ZNF410: variants seen among roughly 807,000 people sequenced by gnomAD.
The protein encoded by ZNF410 is another partner for ARF 1.
In ZNF410, 18 loss-of-function variants were observed where a neutral mutation model predicts 54.8. The observed-to-expected ratio is 0.33, with a 90% CI of 0.23 to 0.49. The LOEUF (loss-of-function observed/expected upper bound fraction) is 0.49, where lower values mean the gene tolerates loss of function less well. Ranked by LOEUF, ZNF410 falls within the 20% of genes least tolerant of loss-of-function variation. The pLI, the probability that ZNF410 is intolerant of heterozygous loss-of-function variation, is 0.99. For synonymous variants in ZNF410, 191 were observed against 207.3 expected (o/e 0.92, Z 0.68); for missense variants, 405 against 569.6 (o/e 0.71, Z 2.94).
intron 8 of ZNF410, chr14:73,916,376 G>A (rs1202728974): frequency 1.3e-5 from 2 of 152,074 alleles, no homozygotes. Context: ...GTAGAGATGG[G>A]GTTTTGCCTT....
Position 73,898,145 on chromosome 14 carries a change from A to T in ZNF410, c.463A>T (p.Ser155Cys), listed in dbSNP as rs776218025. 6.2e-7 allele frequency: 1 copy of T among 1,614,180 alleles called. No homozygotes were observed. Among genetic ancestry groups the T allele is most frequent in the African/African-American group, 1.3e-5 (1 of 75,044 alleles). Residue 155 changes from serine (S) to cysteine (C), a missense_variant, in exon 5 of 12, where the codon AGT becomes TGT. Transcript: ENST00000555044. ...AGATTCAGGGAATGATTTCCTCTCC[A>T]GTGAGAGCACAGACAGTAGCATTCC... The part of the protein sequence containing the change: ...AEDSGNDFLS[S>C]ESTDSSIPWF...
At chr14:73,897,996 A>C (rs969201320) in intron 4 of ZNF410, 75 bp from the exon 5 acceptor site, 66 of 1,194,528 alleles carry the variant, frequency 5.5e-5, no homozygotes, top group Admixed American at 1.4e-4. Flanking sequence ...AAAAAGGGAC[A>C]TGGAGAGTCT....
Position 73,932,400 on chromosome 14 carries a change from A to C in ZNF410, c.*859A>C, listed in dbSNP as rs1416752191. On this transcript the variant is annotated 3_prime_UTR_variant, in exon 12 of 12. Coordinates refer to ENST00000555044, the MANE Select transcript of ZNF410 (RefSeq NM_021188.3). ...CCATACCAGTAAAACTGAACCGAGG[A>C]GTCTTAGGAAACAACAAGAACATCT... 6.8e-6 allele frequency: 3 copies of C among 443,920 alleles called. No individual in the cohort carries two copies. Among genetic ancestry groups the C allele is most frequent in the Non-Finnish European group, 1.3e-5 (3 of 224,006 alleles). The allele number at this position is 443,920 out of a possible 1,614,324, so 27.5% of individuals were successfully genotyped here. A position where few individuals can be genotyped will look rare whatever the true frequency, so the allele number is the denominator to read the frequency against.
chr14:73,889,693 C>G (rs2055196245), intron 1 of ZNF410, among the ~76,000 whole-genome samples: 1 of 151,604 alleles, frequency 6.6e-6, no homozygotes, highest in Non-Finnish European at 1.5e-5. Context: ...TGTTGCAGTG[C>G]TTGAATAAGA....
rs546002916 is a variant in ZNF410, at chr14:73,924,762, T to A, written c.1398+1240T>A. 4 of 418,642 alleles carry A rather than the reference T, an allele frequency of 9.6e-6. No homozygotes were observed. The East Asian group carries it at 2.9e-4, about 30-fold the overall frequency. 25.9% of individuals were successfully genotyped at this position (418,642 alleles called of 1,614,324 possible). A position where few individuals can be genotyped will look rare whatever the true frequency, so the allele number is the denominator to read the frequency against. ...TGCGTTCTCGGCTCACTGCAACCTC[T>A]GCCTCCCAGGTTCAAGCGATTCTCC... On this transcript the variant is annotated intron_variant, in intron 11 of 11. Transcript: ENST00000555044.
chr14:73,905,562 T>A (rs1451611391), intron 7 of ZNF410: 1 of 152,780 alleles, frequency 6.5e-6, no homozygotes, highest in Non-Finnish European at 1.5e-5. Flanking sequence ...AGAAACAGAA[T>A]AGAGAAGTGA....
At chr14:73,905,285 C>A in intron 7 of ZNF410, 1 of 518,910 alleles carries the variant, frequency 1.9e-6, no homozygotes, top group Non-Finnish European at 3.2e-6. Flanking sequence ...GTAGAGTAGA[C>A]AGTGTTGATT....
intron 1 of ZNF410, chr14:73,888,312 C>G (rs2055175111): frequency 6.6e-6 from 1 of 152,078 alleles, no homozygotes; most frequent in South Asian, 2.1e-4. Flanking sequence ...AGATACCTAG[C>G]AAGCAGTTAG....
chr14:73,899,121 AGTT>A (rs1411582049), intron 5 of ZNF410, among the ~76,000 whole-genome samples: 1 of 151,438 alleles, frequency 6.6e-6, no homozygotes, highest in Non-Finnish European at 1.5e-5. Context: ...CTTAGTACAC[AGTT>A]GTTTGGAGTT....
intron 8 of ZNF410, chr14:73,916,148 G>A (rs1650669785): frequency 6.6e-6 from 1 of 152,074 alleles, no homozygotes; most frequent in African/African-American, 2.4e-5. Flanking sequence ...GAGAGATAGA[G>A]AAGGAGGGCG....
intron 2 of ZNF410, chr14:73,893,487 T>G: frequency 4.2e-6 from 1 of 237,110 alleles, no homozygotes; most frequent in Non-Finnish European, 8.2e-6. Flanking sequence ...GTGGTAAACA[T>G]TGTGTATCTA....
chr14:73,893,990 T>C, intron 3 of ZNF410, 58 bp downstream of exon 3: 1 of 1,545,758 alleles, frequency 6.5e-7, no homozygotes. Context: ...TAGCCTACTC[T>C]ATGTTACTGG....
chr14:73,905,315 C>T (rs754665497), intron 7 of ZNF410: 2 of 417,796 alleles, frequency 4.8e-6, no homozygotes, highest in Non-Finnish European at 8.4e-6. Context: ...AGGAGCCTAA[C>T]CTGCAGGGAG....
chr14:73,899,614 G>A (rs531020385), intron 5 of ZNF410, among the ~76,000 whole-genome samples: 1 of 152,152 alleles, frequency 6.6e-6, no homozygotes, highest in Middle Eastern at 3.2e-3. Flanking sequence ...GAGAAGCAGC[G>A]TAGGGAGGGG....
chr14:73,904,240 CT>C (rs777030539), intron 6 of ZNF410, 130 bp downstream of exon 6: 47 of 886,074 alleles, frequency 5.3e-5, no homozygotes, highest in Non-Finnish European at 6.6e-5. Flanking sequence ...GTTAAGATAT[CT>C]TTTTTTCTTT....
chr14:73,910,984 G>A (rs2055569260), intron 8 of ZNF410, among the ~76,000 whole-genome samples: 1 of 151,970 alleles, frequency 6.6e-6, no homozygotes, highest in African/African-American at 2.4e-5. Context: ...TGCTAGAGGG[G>A]CTCTGTAGAC....
chr14:73,889,510 G>C (rs938955968), intron 1 of ZNF410, among the ~76,000 whole-genome samples: 7 of 151,386 alleles, frequency 4.6e-5, no homozygotes, highest in Non-Finnish European at 8.8e-5. Context: ...AGGCCATGGA[G>C]ATTCAGGGTC....
intron 11 of ZNF410, chr14:73,924,706 T>C: frequency 2.2e-6 from 1 of 447,556 alleles, no homozygotes; most frequent in South Asian, 1.6e-5. Flanking sequence ...AGACAGAGTC[T>C]CGCTCCGTTG....
Position 73,930,961 on chromosome 14 carries a change from G to C in ZNF410, c.1399-542G>C, listed in dbSNP as rs186798929. ...CATTATTTCAAAACTCCTTTGAATA[G>C]AGCCTTGTGTATAGAGTAGAATGTT... On this transcript the variant is annotated intron_variant, in intron 11 of 11. Coordinates refer to ENST00000555044, the MANE Select transcript of ZNF410 (RefSeq NM_021188.3). 3.3e-5 allele frequency among the ~76,000 whole-genome samples: 5 copies of C among 152,148 alleles called. No individual in the cohort carries two copies. In the East Asian group the frequency reaches 9.6e-4, roughly 29 times the overall value.
Sources: allele counts gnomAD v4.1 joint callset (sites outside exome capture counted in the v4.1 genomes callset), GRCh38; gene constraint gnomAD v4.1.1; transcripts MANE v1.5; gene names NCBI Gene and HGNC (gene_info 2026-07-23, HGNC 2026-07-21).